Variants in TIMELESS observed in about 807,000 individuals in gnomAD.
TIMELESS encodes the protein timeless circadian regulator, also known as protein timeless homolog.
A neutral mutation model predicts 164.3 loss-of-function variants in TIMELESS; 124 were observed. The observed-to-expected ratio is 0.75, with a 90% confidence interval of 0.65 to 0.88. The LOEUF is 0.88. TIMELESS is among the 40% of genes least tolerant of loss of function. The pLI, the probability that TIMELESS is intolerant of heterozygous loss-of-function variation, is 0.00. For missense variants in TIMELESS, 1,422 were observed against 1,491.4 expected, an observed-to-expected ratio of 0.95 and a Z score of 0.77; for synonymous variants, 564 against 563.4, an observed-to-expected ratio of 1.00 and a Z score of -0.02.
chr12:56,436,709 A>G (rs951545444), intron 1 of TIMELESS, among the ~76,000 whole-genome samples: 11 of 152,196 alleles, frequency 7.2e-5, no homozygotes, highest in African/African-American at 2.4e-4. Context: ...AGAATTCAGT[A>G]AGAATACATT....
chr12:56,442,915 C>T (rs1420264508), intron 1 of TIMELESS, among the ~76,000 whole-genome samples: 1 of 152,214 alleles, frequency 6.6e-6, no homozygotes, highest in East Asian at 1.9e-4. Flanking sequence ...GGACATTTAT[C>T]ACTTCCCCAA....
chr12:56,420,800 C>A lies in TIMELESS; in HGVS notation c.3109+13G>T. ...CAGGGCTCTTCTCCTAAAAGTGTCACCTGTCCACTCACCATCCTCTTCCCG... is the reference window on the plus strand; with the variant it reads ...CAGGGCTCTTCTCCTAAAAGTGTCAACTGTCCACTCACCATCCTCTTCCCG... On this transcript the variant is annotated intron_variant, in intron 25 of 28. Transcript: ENST00000553532. 1 of 1,614,166 alleles carries A rather than the reference C, an allele frequency of 6.2e-7. No homozygotes were observed. Among genetic ancestry groups the A allele is most frequent in the Middle Eastern group, 1.6e-4 (1 of 6,062 alleles).
At chr12:56,448,888 A>C (rs1868453851) in intron 1 of TIMELESS, among the ~76,000 whole-genome samples, 1 of 152,188 alleles carries the variant, frequency 6.6e-6, no homozygotes, top group Non-Finnish European at 1.5e-5. Flanking sequence ...CGTTCCATAA[A>C]ACCCACGATA....
At chr12:56,445,907 G>A (rs1487181621) in intron 1 of TIMELESS, among the ~76,000 whole-genome samples, 5 of 151,970 alleles carry the variant, frequency 3.3e-5, no homozygotes, top group Non-Finnish European at 7.4e-5. Context: ...TCTGCCTCCA[G>A]ACTTTTTTTC....
Position 56,447,096 on chromosome 12 carries a change from G to C in TIMELESS, c.-62+2214C>G, listed in dbSNP as rs536786930. Among the ~76,000 whole-genome samples, 32 of 145,058 alleles carry C rather than the reference G, an allele frequency of 2.2e-4. No homozygotes were observed. In the East Asian group the frequency reaches 6.4e-3, roughly 29 times the overall value. ...GCAATCTCGGCTCACTGCAACCTCC[G>C]CCTCCCGGGTTCAAGTGATTCTCCT... On this transcript the variant is annotated intron_variant, in intron 1 of 28. Transcript: ENST00000553532.
At chr12:56,420,494 A>C in intron 26 of TIMELESS, 75 bp downstream of exon 26, 1 of 1,195,036 alleles carries the variant, frequency 8.4e-7, no homozygotes, top group Non-Finnish European at 1.2e-6. Context: ...CCACCATGAC[A>C]GTGAGGAGGA....
Position 56,419,282 on chromosome 12 carries a change from A to ACG in TIMELESS, c.3229-924_3229-923insCG, listed in dbSNP as rs1565678123. ...GCTGGGGTTACAGGCGTGAGCCACCATACCCAGCAGATTCCACAGGATTAA... is the reference window on the plus strand; with the variant it reads ...GCTGGGGTTACAGGCGTGAGCCACCACGTACCCAGCAGATTCCACAGGATTAA... On this transcript the variant is annotated intron_variant, in intron 26 of 28. Coordinates refer to ENST00000553532, the MANE Select transcript of TIMELESS (RefSeq NM_003920.5). 9.8e-5 allele frequency among the ~76,000 whole-genome samples: 15 copies of ACG among 152,322 alleles called. No homozygotes were observed. The South Asian group carries it at 1.0e-3, about 11-fold the overall frequency.
chr12:56,445,675 A>AGCTGAGATC (rs1868341342), intron 1 of TIMELESS, among the ~76,000 whole-genome samples: 1 of 151,612 alleles, frequency 6.6e-6, no homozygotes, highest in South Asian at 2.1e-4. Context: ...GGTTGCAGTG[A>AGCTGAGATC]GCTGAGATCG....
chr12:56,418,309 C>T lies in TIMELESS; in HGVS notation c.3279G>A (p.Arg1093=), dbSNP rs767918336. Residue 1093 remains arginine, a synonymous_variant, in exon 27 of 29, where the codon AGG becomes AGA. Coordinates refer to ENST00000553532, the MANE Select transcript of TIMELESS (RefSeq NM_003920.5). The part of the protein sequence containing the change: ...PAKLSPTQLR[R]AAASLSQPEE... ...CTGGTTGACTCAAAGAAGCTGCTGC[C>T]CTCCGGAGCTGGGTAGGACTCAGCT... is the stretch of plus-strand genomic sequence containing the variant. 1 of 1,614,042 alleles carries T rather than the reference C, an allele frequency of 6.2e-7. No individual in the cohort carries two copies. The highest frequency in any genetic ancestry group is 8.5e-7 in the Non-Finnish European group (1 of 1,180,016).
At position 56,420,973 on chromosome 12, in the gene TIMELESS, C is replaced by A. The variant is rs1306526578; in HGVS notation, c.3030G>T (p.Leu1010=). The A allele has an allele frequency of 2.5e-6, 4 of 1,614,184 alleles. No homozygotes were observed. The highest frequency in any genetic ancestry group is 3.4e-6 in the Non-Finnish European group (4 of 1,180,022). Residue 1010 remains leucine, a synonymous_variant, in exon 24 of 29, where the codon CTG becomes CTT. Coordinates refer to ENST00000553532, the MANE Select transcript of TIMELESS (RefSeq NM_003920.5). ...VLSNENLGQS[L]HQEGFSIPLL... is the part of the protein sequence containing the mutation. ...AGCCAAAGTCCTCACCTTCCTGATG[C>A]AGGCTTTGACCAAGGTTTTCATTTG... is the stretch of plus-strand genomic sequence containing the variant.
rs915539249 is a variant in TIMELESS at position 56,424,963 on chromosome 12, G to C, written c.1717-50C>G. 2.5e-6 allele frequency: 4 copies of C among 1,613,914 alleles called. No homozygotes were observed. In the African/African-American group the frequency reaches 5.3e-5, roughly 22 times the overall value. On this transcript the variant is annotated intron_variant, in intron 14 of 28. Transcript: ENST00000553532. ...GCGGAGGGAGTGGAAAACCCAGATTGTATACCCTGAGCACTATTCTCAAAA... is the reference window on the plus strand; with the variant it reads ...GCGGAGGGAGTGGAAAACCCAGATTCTATACCCTGAGCACTATTCTCAAAA...
At chr12:56,428,769 A>C in intron 11 of TIMELESS, 114 bp downstream of exon 11, 1 of 1,470,338 alleles carries the variant, frequency 6.8e-7, no homozygotes, top group Non-Finnish European at 9.4e-7. Flanking sequence ...TTTCCCAGCC[A>C]GTCCTTGCTC....
chr12:56,436,545 A>G (rs1414157432), intron 1 of TIMELESS, among the ~76,000 whole-genome samples: 1 of 152,210 alleles, frequency 6.6e-6, no homozygotes, highest in African/African-American at 2.4e-5. Flanking sequence ...GAAGTCTGCT[A>G]ACCATCGTGT....
rs1484038279 is a variant in TIMELESS, at chr12:56,428,878, C to T, written c.1304+5G>A. ...CACTGTATCTCCAGTAACCATCCCA[C>T]TCACCGGCGTGCCCAGGAGGCAGCT... On this transcript the variant is annotated splice_donor_5th_base_variant and intron_variant, in intron 11 of 28. Coordinates refer to ENST00000553532, the MANE Select transcript of TIMELESS (RefSeq NM_003920.5). 6.2e-7 allele frequency: 1 copy of T among 1,613,200 alleles called. No homozygotes were observed. Among genetic ancestry groups the T allele is most frequent in the South Asian group, 1.1e-5 (1 of 91,044 alleles).
rs531169580 is a variant in TIMELESS at position 56,417,585 on chromosome 12, G to A, written c.*131C>T. On this transcript the variant is annotated 3_prime_UTR_variant, in exon 29 of 29. Transcript: ENST00000553532. Reference sequence around the variant, plus strand: ...TGCTGAAGTTTCTCAGCCTAAATCCGTGAAAGAGCCTGGGATTCTACTGCT... The same window carrying A: ...TGCTGAAGTTTCTCAGCCTAAATCCATGAAAGAGCCTGGGATTCTACTGCT... The A allele has an allele frequency of 4.0e-5, 34 of 857,318 alleles. No individual in the cohort carries two copies. The highest frequency in any genetic ancestry group is 2.9e-4 in the African/African-American group (17 of 59,128). 53.1% of individuals were successfully genotyped at this position (857,318 alleles called of 1,614,324 possible). A position where few individuals can be genotyped will look rare whatever the true frequency, so the allele number is the denominator to read the frequency against.
At chr12:56,440,766 G>A (rs1421931505) in intron 1 of TIMELESS, among the ~76,000 whole-genome samples, 1 of 152,224 alleles carries the variant, frequency 6.6e-6, no homozygotes, top group Admixed American at 6.5e-5. Flanking sequence ...ATCAAGGTAA[G>A]TACAGAAAGA....
intron 13 of TIMELESS, among the ~76,000 whole-genome samples, chr12:56,426,541 C>T (rs1352907203): frequency 6.6e-6 from 1 of 151,514 alleles, no homozygotes; most frequent in African/African-American, 2.4e-5. Context: ...TGTGTGCCAC[C>T]ACGCCAGGCT....
chr12:56,429,439 C>T (rs575515712), intron 10 of TIMELESS, among the ~76,000 whole-genome samples: 1 of 151,252 alleles, frequency 6.6e-6, no homozygotes, highest in Non-Finnish European at 1.5e-5. Context: ...CTCAGGTGAT[C>T]CACCTGCCTT....
intron 1 of TIMELESS, among the ~76,000 whole-genome samples, chr12:56,434,866 A>G (rs1473954237): frequency 6.6e-6 from 1 of 152,212 alleles, no homozygotes; most frequent in Non-Finnish European, 1.5e-5. Flanking sequence ...CCTGGGCAAC[A>G]TTGTGAGACC....
Sources: gnomAD v4.1 joint callset for allele counts (sites outside exome capture counted in the v4.1 genomes callset) on GRCh38, gnomAD v4.1.1 for gene constraint, MANE v1.5 for transcripts, NCBI Gene and HGNC (gene_info 2026-07-23, HGNC 2026-07-21) for gene names.